Variants in KIRREL3 observed in about 807,000 individuals in gnomAD.
KIRREL3 encodes kirre like nephrin family adhesion molecule 3.
Under a neutral mutation model 89.7 loss-of-function variants are expected in KIRREL3, and 36 were observed. That is an observed-to-expected ratio of 0.40 (90% CI 0.31 to 0.53). The LOEUF (loss-of-function observed/expected upper bound fraction) is 0.53, where lower values mean the gene tolerates loss of function less well. Ranked by LOEUF, KIRREL3 falls within the 20% of genes least tolerant of loss-of-function variation. The pLI is 0.49. For missense variants in KIRREL3, 864 were observed against 1,056.6 expected (o/e 0.82, Z 2.53); for synonymous variants, 445 against 441.4 (o/e 1.01, Z -0.10).
chr11:126,532,238 G>A (rs937030347), intron 2 of KIRREL3, among the ~76,000 whole-genome samples: 1 of 152,086 alleles, frequency 6.6e-6, no homozygotes, highest in African/African-American at 2.4e-5. Context: ...CAATGGTCTG[G>A]GTACAGCCCT....
rs1387137334 is a variant in KIRREL3 at position 126,898,303 on chromosome 11, C to A, written c.55+102152G>T. Among the ~76,000 whole-genome samples, 1 of 152,180 alleles carries A rather than the reference C, an allele frequency of 6.6e-6. No homozygotes were observed. The highest frequency in any genetic ancestry group is 1.5e-5 in the Non-Finnish European group (1 of 68,042). On this transcript the variant is annotated intron_variant, in intron 1 of 16. Transcript: ENST00000525144. This position sits in a 1 kb window ranked among gnomAD's most constrained non-coding sequence, Gnocchi z 4.9. ...AACAGGTGGGGAAACTGGAACTGCTCTGAACCAGTGTTGAGAATATAAACT... is the reference window on the plus strand; with the variant it reads ...AACAGGTGGGGAAACTGGAACTGCTATGAACCAGTGTTGAGAATATAAACT...
At position 126,558,598 on chromosome 11, in the gene KIRREL3, T is replaced by C. The variant is rs1002018273; in HGVS notation, c.133+4237A>G. ...CATGCTGTGTTATTGGGTTGCACTG[T>C]AATCTCTAGAGTTGTTGACAGGTCT... is the stretch of plus-strand genomic sequence containing the variant. On this transcript the variant is annotated intron_variant, in intron 2 of 16. Transcript: ENST00000525144. This position sits in a 1 kb window ranked among gnomAD's most constrained non-coding sequence, Gnocchi z 4.0. Among the ~76,000 whole-genome samples the C allele has an allele frequency of 2.0e-5, 3 of 152,278 alleles. No homozygotes were observed. The highest frequency in any genetic ancestry group is 7.2e-5 in the African/African-American group (3 of 41,562).
Position 126,791,446 on chromosome 11 carries a change from A to G in KIRREL3, c.55+209009T>C, listed in dbSNP as rs1011540701. 6.6e-6 allele frequency among the ~76,000 whole-genome samples: 1 copy of G among 152,084 alleles called. No homozygotes were observed. The highest frequency in any genetic ancestry group is 2.4e-5 in the African/African-American group (1 of 41,416). ...GCTTATGCGGAGTGAAAGCCCAGCC[A>G]CTCCTGATGGTGACGGCATTTGCAG... is the stretch of plus-strand genomic sequence containing the variant. On this transcript the variant is annotated intron_variant, in intron 1 of 16. Coordinates refer to ENST00000525144, the MANE Select transcript of KIRREL3 (RefSeq NM_032531.4). This position sits in a 1 kb window ranked among gnomAD's most constrained non-coding sequence, Gnocchi z 4.8.
intron 1 of KIRREL3, among the ~76,000 whole-genome samples, chr11:126,731,882 T>C (rs1014044085): frequency 2.3e-4 from 35 of 152,168 alleles, no homozygotes; most frequent in African/African-American, 7.5e-4. Context: ...ACAAAAAGGA[T>C]TGTAAAAGAA....
chr11:126,833,171 C>T (rs770608195), intron 1 of KIRREL3, among the ~76,000 whole-genome samples: 1 of 152,198 alleles, frequency 6.6e-6, no homozygotes, highest in Non-Finnish European at 1.5e-5. Flanking sequence ...ACCCTACTTC[C>T]TGCAAGAGGC....
At chr11:126,434,202 ACTGGAGGGAGGGG>A (rs1955236093) in intron 13 of KIRREL3, among the ~76,000 whole-genome samples, 1 of 152,172 alleles carries the variant, frequency 6.6e-6, no homozygotes, top group African/African-American at 2.4e-5. Context: ...CTGGAGAGGG[ACTGGAGGGAGGGG>A]CTGTCCCCAC....
At chr11:126,998,259 A>G (rs1409207060) in intron 1 of KIRREL3, among the ~76,000 whole-genome samples, 1 of 152,238 alleles carries the variant, frequency 6.6e-6, no homozygotes, top group Non-Finnish European at 1.5e-5. Flanking sequence ...AAGGCAAAAG[A>G]TAACCATATC....
rs535219121 is a variant in KIRREL3, at chr11:126,484,215, A to G, written c.434-10749T>C. Among the ~76,000 whole-genome samples the G allele has an allele frequency of 3.9e-5, 6 of 152,188 alleles. No homozygotes were observed. The highest frequency in any genetic ancestry group is 1.2e-4 in the African/African-American group (5 of 41,512). The stretch of plus-strand genomic sequence containing the variant: ...TTACACTGGTCCTCACCACATCTCT[A>G]TTGCATTGACTTGTGGACCTGTTTC... On this transcript the variant is annotated intron_variant, in intron 4 of 16. Coordinates refer to ENST00000525144, the MANE Select transcript of KIRREL3 (RefSeq NM_032531.4). The surrounding 1 kb of genome is among the most constrained non-coding windows in gnomAD (Gnocchi z 5.2).
intron 1 of KIRREL3, among the ~76,000 whole-genome samples, chr11:126,693,951 G>C (rs765156542): frequency 6.6e-6 from 1 of 152,070 alleles, no homozygotes; most frequent in Non-Finnish European, 1.5e-5. Context: ...TTGTCTTCTC[G>C]GGCCCTCAAA....
chr11:126,718,431 T>G (rs1241447378), intron 1 of KIRREL3, among the ~76,000 whole-genome samples: 1 of 152,174 alleles, frequency 6.6e-6, no homozygotes, highest in Non-Finnish European at 1.5e-5. Flanking sequence ...GACACTAAGC[T>G]ATTGAGACAA....
At chr11:126,803,258 G>T (rs979284310) in intron 1 of KIRREL3, among the ~76,000 whole-genome samples, 3 of 152,168 alleles carry the variant, frequency 2.0e-5, no homozygotes, top group Non-Finnish European at 4.4e-5. Flanking sequence ...AGGCCACACA[G>T]GGATGAACAC....
At chr11:126,880,116 C>T (rs1945441754) in intron 1 of KIRREL3, among the ~76,000 whole-genome samples, 1 of 152,192 alleles carries the variant, frequency 6.6e-6, no homozygotes, top group African/African-American at 2.4e-5. Context: ...GCGAATTATC[C>T]TTAAGTATCC....
At chr11:126,595,631 C>T (rs970580429) in intron 1 of KIRREL3, among the ~76,000 whole-genome samples, 20 of 152,198 alleles carry the variant, frequency 1.3e-4, no homozygotes, top group African/African-American at 4.8e-4. Flanking sequence ...TGTCCTTTGC[C>T]TAAGGAAGGC....
Position 126,817,877 on chromosome 11 carries a change from G to T in KIRREL3, c.55+182578C>A, listed in dbSNP as rs1951627261. 1.3e-5 allele frequency among the ~76,000 whole-genome samples: 2 copies of T among 152,278 alleles called. No homozygotes were observed. The highest frequency in any genetic ancestry group is 2.9e-5 in the Non-Finnish European group (2 of 68,020). ...ATTATGTGGACCCACTACAACCCAC[G>T]GGTGGGAAGCTCTAGATCTTGGCAC... On this transcript the variant is annotated intron_variant, in intron 1 of 16. Coordinates refer to ENST00000525144, the MANE Select transcript of KIRREL3 (RefSeq NM_032531.4). This position sits in a 1 kb window ranked among gnomAD's most constrained non-coding sequence, Gnocchi z 5.7.
chr11:126,765,239 G>A (rs573871156), intron 1 of KIRREL3, among the ~76,000 whole-genome samples: 9 of 152,266 alleles, frequency 5.9e-5, no homozygotes, highest in Admixed American at 2.6e-4. Flanking sequence ...TTCCTCATCT[G>A]TAAAATACAG....
Position 126,636,281 on chromosome 11 carries a change from T to C in KIRREL3, c.56-73369A>G, listed in dbSNP as rs1944260473. Among the ~76,000 whole-genome samples the C allele has an allele frequency of 6.6e-6, 1 of 152,184 alleles. No individual in the cohort carries two copies. The highest frequency in any genetic ancestry group is 6.5e-5 in the Admixed American group (1 of 15,272). Reference sequence around the variant, plus strand: ...TATTATTGTTATTTCCTTTTTGAGCTAGTTGTGTTTGCTTGCTACGGAGGA... The same window carrying C: ...TATTATTGTTATTTCCTTTTTGAGCCAGTTGTGTTTGCTTGCTACGGAGGA... On this transcript the variant is annotated intron_variant, in intron 1 of 16. Coordinates refer to ENST00000525144, the MANE Select transcript of KIRREL3 (RefSeq NM_032531.4). The surrounding 1 kb of genome is among the most constrained non-coding windows in gnomAD (Gnocchi z 4.4).
At chr11:126,585,440 G>A (rs578149405) in intron 1 of KIRREL3, among the ~76,000 whole-genome samples, 1 of 150,266 alleles carries the variant, frequency 6.7e-6, no homozygotes, top group Non-Finnish European at 1.5e-5. Flanking sequence ...CAACCTGCGG[G>A]CCAGGCTGCT....
At position 126,656,810 on chromosome 11, in the gene KIRREL3, G is replaced by T. The variant is rs548420919; in HGVS notation, c.56-93898C>A. Among the ~76,000 whole-genome samples the T allele has an allele frequency of 6.6e-6, 1 of 152,316 alleles. No individual in the cohort carries two copies. Among genetic ancestry groups the T allele is most frequent in the Admixed American group, 6.5e-5 (1 of 15,306 alleles). ...CTCATGCCTGTGGTCCCAGCACTTT[G>T]GGAGGCCAAGGTGTGTGCATCGCTT... On this transcript the variant is annotated intron_variant, in intron 1 of 16. Transcript: ENST00000525144. This position sits in a 1 kb window ranked among gnomAD's most constrained non-coding sequence, Gnocchi z 4.0.
In KIRREL3 at chr11:126,596,962, G is replaced by A. The variant is rs377744759; in HGVS notation, c.56-34050C>T. Among the ~76,000 whole-genome samples the A allele has an allele frequency of 2.3e-4, 35 of 152,360 alleles. 8 individuals are homozygous for A. Among genetic ancestry groups the A allele is most frequent in the Admixed American group, 7.2e-4 (11 of 15,308 alleles). Reference sequence around the variant, plus strand: ...TCTTTAAAGCAGCAGGAGGAAGCAGGATGGGGCATTATATGGGCTCTAGTC... The same window carrying A: ...TCTTTAAAGCAGCAGGAGGAAGCAGAATGGGGCATTATATGGGCTCTAGTC... On this transcript the variant is annotated intron_variant, in intron 1 of 16. Transcript: ENST00000525144.
Sources: gnomAD v4.1 joint callset for allele counts (sites outside exome capture counted in the v4.1 genomes callset) on GRCh38, gnomAD v4.1.1 for gene constraint, Gnocchi (gnomAD v3.1) non-coding constraint, MANE v1.5 for transcripts, NCBI Gene and HGNC (gene_info 2026-07-23, HGNC 2026-07-21) for gene names.